The following NME9 variants were observed in gnomAD, a reference collection of about 807,000 sequenced individuals.
NME9 encodes NME/NM23 family member 9, also known as thioredoxin domain-containing protein 6.
In NME9, 48 loss-of-function variants were observed where a neutral mutation model predicts 44.4. That is an observed-to-expected ratio of 1.08 (90% CI 0.86 to 1.37). The LOEUF (loss-of-function observed/expected upper bound fraction) is 1.37. Among genes scored for constraint, NME9 ranks in the 40% most tolerant of loss-of-function variants. The probability of loss-of-function intolerance (pLI) is 0.00; values close to 1 mark genes in which losing one functional copy is unlikely to be tolerated. For synonymous variants in NME9, 139 were observed against 147.1 expected (o/e 0.94, Z 0.40); for missense variants, 325 against 405.2 (o/e 0.80, Z 1.70).
intron 6 of NME9, 127 bp downstream of exon 6, chr3:138,314,205 T>G (rs2052906247): frequency 1.8e-6 from 1 of 561,280 alleles, no homozygotes; most frequent in East Asian, 3.0e-5. Context: ...AAAAGAAAAT[T>G]ATGAACCATT....
chr3:138,302,429 C>G (rs2051910849), intron 10 of NME9, among the ~76,000 whole-genome samples: 1 of 152,190 alleles, frequency 6.6e-6, no homozygotes, highest in African/African-American at 2.4e-5. Context: ...TCACCACCCC[C>G]CATTCCCAAA....
intron 8 of NME9, chr3:138,264,104 G>A (rs1298861744): frequency 2.9e-5 from 46 of 1,597,154 alleles, no homozygotes; most frequent in Non-Finnish European, 3.5e-5. Context: ...GATTTCTTGT[G>A]AAGCTAATTT....
chr3:138,273,174 A>G (rs1048900376), intron 8 of NME9: 25 of 1,504,486 alleles, frequency 1.7e-5, no homozygotes, highest in Admixed American at 1.6e-4. Context: ...ATTGCAAGAC[A>G]TTGCTCTCTC....
chr3:138,288,635 CTTTTTTT>C (rs547726493), intron 8 of NME9, among the ~76,000 whole-genome samples: 1 of 109,678 alleles, frequency 9.1e-6, no homozygotes, highest in African/African-American at 3.1e-5. Flanking sequence ...CTTCTTCAGA[CTTTTTTT>C]TTTTTTTTTT....
chr3:138,281,217 GGT>G lies in NME9; in HGVS notation c.746-18633_746-18632del, dbSNP rs149949088. Among the ~76,000 whole-genome samples the G allele has an allele frequency of 2.1e-4, 31 of 149,790 alleles. No homozygotes were observed. In the South Asian group the frequency reaches 2.6e-3, roughly 12 times the overall value. ...CTAATATGCGTACATTAATGGTGTG[GGT>G]GTGTGTGTGTGTGTGTAGTTTTTAT... On this transcript the variant is annotated intron_variant, in intron 8 of 8. Transcript: ENST00000317876.
chr3:138,302,717 T>G (rs1362220346), intron 10 of NME9, among the ~76,000 whole-genome samples: 2 of 152,202 alleles, frequency 1.3e-5, no homozygotes, highest in African/African-American at 4.8e-5. Context: ...TATCAAACAT[T>G]TAGGCAAATA....
At chr3:138,263,900 A>G (rs2047998780) in intron 8 of NME9, 1 of 1,260,800 alleles carries the variant, frequency 7.9e-7, no homozygotes, top group African/African-American at 1.5e-5. Flanking sequence ...TCACTGAGTA[A>G]ACACAGACTA....
rs570832664 is a variant in NME9, at chr3:138,311,647, C to A, written c.460+2685G>T. Reference sequence around the variant, plus strand: ...GAACCAAGAACAAAAACCATATAATCATTCCAATAGATGCTGAAAAACCAT... The same window carrying A: ...GAACCAAGAACAAAAACCATATAATAATTCCAATAGATGCTGAAAAACCAT... On this transcript the variant is annotated intron_variant, in intron 6 of 10. Coordinates refer to ENST00000333911, the MANE Select transcript of NME9 (RefSeq NM_001349018.2). 5.1e-4 allele frequency among the ~76,000 whole-genome samples: 77 copies of A among 152,278 alleles called. 1 individual carries two copies. The highest frequency in any genetic ancestry group is 4.7e-3 in the Admixed American group (72 of 15,288).
At chr3:138,268,784 A>C (rs2048514746) in intron 8 of NME9, among the ~76,000 whole-genome samples, 1 of 151,838 alleles carries the variant, frequency 6.6e-6, no homozygotes, top group Non-Finnish European at 1.5e-5. Flanking sequence ...TGAAAAAATT[A>C]AAATTAAAAA....
At chr3:138,320,464 A>G (rs1214916085) in intron 2 of NME9, among the ~76,000 whole-genome samples, 2 of 152,242 alleles carry the variant, frequency 1.3e-5, no homozygotes, top group African/African-American at 2.4e-5. Context: ...TAGTGTCAAA[A>G]TTGCTAATAA....
chr3:138,301,466 A>G lies in NME9; in HGVS notation c.*174T>C. 2 of 1,321,218 alleles carry G rather than the reference A, an allele frequency of 1.5e-6. No homozygotes were observed. Among genetic ancestry groups the G allele is most frequent in the Non-Finnish European group, 9.9e-7 (1 of 1,011,158 alleles). 81.8% of individuals were successfully genotyped at this position (1,321,218 alleles called of 1,614,324 possible). A position where few individuals can be genotyped will look rare whatever the true frequency, so the allele number is the denominator to read the frequency against. Reference sequence around the variant, plus strand: ...GTGATCCACCTGCCTCGGCCTCCCAAAGTGCTGGGATTACAGGTGTGAGTC... The same window carrying G: ...GTGATCCACCTGCCTCGGCCTCCCAGAGTGCTGGGATTACAGGTGTGAGTC... On this transcript the variant is annotated 3_prime_UTR_variant, in exon 11 of 11. Transcript: ENST00000333911.
At chr3:138,321,720 A>G (rs1456812237) in intron 2 of NME9, among the ~76,000 whole-genome samples, 3 of 152,124 alleles carry the variant, frequency 2.0e-5, no homozygotes, top group Admixed American at 6.5e-5. Context: ...AGGAATGAGG[A>G]AGCCAGACAC....
At chr3:138,290,019 C>T (rs1485066987) in intron 8 of NME9, among the ~76,000 whole-genome samples, 1 of 152,134 alleles carries the variant, frequency 6.6e-6, no homozygotes, top group Non-Finnish European at 1.5e-5. Flanking sequence ...GACAAAGCCA[C>T]CCTCAAGGAG....
At chr3:138,273,763 T>C (rs2108309233) in intron 8 of NME9, among the ~76,000 whole-genome samples, 1 of 152,244 alleles carries the variant, frequency 6.6e-6, no homozygotes, top group East Asian at 1.9e-4. Context: ...AAATCTACAC[T>C]GTGTTTTCCA....
At chr3:138,300,593 T>G (rs1264580020), downstream of NME9, among the ~76,000 whole-genome samples, 2 of 152,238 alleles carry the variant, frequency 1.3e-5, no homozygotes, top group Non-Finnish European at 1.5e-5. Flanking sequence ...ACTGAAATCC[T>G]GTGTCCCTCC....
At chr3:138,263,164 A>G (rs1346425645) in intron 8 of NME9, among the ~76,000 whole-genome samples, 1 of 152,252 alleles carries the variant, frequency 6.6e-6, no homozygotes, top group African/African-American at 2.4e-5. Context: ...GATGAAGGAA[A>G]ATTGCAGGTT....
rs561966660 is a variant in NME9 at position 138,289,507 on chromosome 3, A to T, written c.745+14000T>A. On this transcript the variant is annotated intron_variant, in intron 8 of 8. Coordinates refer to the NME9 transcript ENST00000317876. ...ATATGAGGACTACAGGCAGATAAGC[A>T]TGATGGAGAAGAAGGTGCATTTGTG... 5.3e-5 allele frequency among the ~76,000 whole-genome samples: 8 copies of T among 152,318 alleles called. No individual in the cohort carries two copies. The South Asian group carries it at 1.5e-3, about 28-fold the overall frequency.
intron 8 of NME9, among the ~76,000 whole-genome samples, chr3:138,288,418 C>G (rs941402303): frequency 2.6e-5 from 4 of 152,212 alleles, no homozygotes; most frequent in African/African-American, 9.7e-5. Flanking sequence ...TGGATTGAAT[C>G]ATAAATTGCA....
At chr3:138,292,797 A>G (rs1279189351) in intron 8 of NME9, among the ~76,000 whole-genome samples, 1 of 152,174 alleles carries the variant, frequency 6.6e-6, no homozygotes, top group Non-Finnish European at 1.5e-5. Flanking sequence ...TAGAGCAAGT[A>G]AAAAGAGAGA....
Sources: allele counts gnomAD v4.1 joint callset (sites outside exome capture counted in the v4.1 genomes callset), GRCh38; gene constraint gnomAD v4.1.1; transcripts MANE v1.5; gene names NCBI Gene and HGNC (gene_info 2026-07-23, HGNC 2026-07-21).